PLEKHH2: variants seen among roughly 807,000 people sequenced by gnomAD.
PLEKHH2 encodes pleckstrin homology, MyTH4 and FERM domain containing H2.
A neutral mutation model predicts 187.9 loss-of-function variants in PLEKHH2; 129 were observed. That is an observed-to-expected ratio of 0.69 (90% confidence interval 0.59 to 0.79). The LOEUF (loss-of-function observed/expected upper bound fraction) is 0.79. PLEKHH2 is among the 30% of genes least tolerant of loss of function. PLEKHH2 has a pLI of 0.00. For synonymous variants in PLEKHH2, 686 were observed against 605.6 expected (o/e 1.13, Z -1.95); for missense variants, 2,076 against 1,751.2 (o/e 1.19, Z -3.31).
In PLEKHH2 at chr2:43,700,239, A is replaced by G. The variant is rs1669291815; in HGVS notation, c.1281A>G (p.Gly427=). The change falls in exon 8 of 30, where the codon GGA becomes GGG. Residue 427 remains glycine (G), a synonymous_variant. Coordinates refer to ENST00000282406, the MANE Select transcript of PLEKHH2 (RefSeq NM_172069.4). ...PKHPNSLSGK[G]TQLVPSSHLP... is the part of the protein sequence containing the mutation. ...ATCCTAACTCACTCTCTGGAAAAGG[A>G]ACACAATTAGTGCCTTCATCACACC... The G allele has an allele frequency of 3.1e-6, 5 of 1,614,186 alleles. No homozygotes were observed. The highest frequency in any genetic ancestry group is 4.2e-6 in the Non-Finnish European group (5 of 1,180,042).
chr2:43,728,710 C>A (rs1322819225), intron 17 of PLEKHH2, among the ~76,000 whole-genome samples: 1 of 151,358 alleles, frequency 6.6e-6, no homozygotes, highest in East Asian at 2.0e-4. Context: ...TACAGGCATG[C>A]ACCACCATGC....
chr2:43,672,489 C>T (rs1667539702), intron 2 of PLEKHH2, among the ~76,000 whole-genome samples: 1 of 152,184 alleles, frequency 6.6e-6, no homozygotes, highest in African/African-American at 2.4e-5. Context: ...CTTATGCCCT[C>T]ACTTCTCCAC....
Position 43,695,627 on chromosome 2 carries a change from C to T in PLEKHH2, c.502+403C>T, listed in dbSNP as rs115909716. 6.9e-3 allele frequency among the ~76,000 whole-genome samples: 1,046 copies of T among 152,282 alleles called. 20 individuals are homozygous for T. Among genetic ancestry groups the T allele is most frequent in the African/African-American group, 0.024 (993 of 41,556 alleles). On this transcript the variant is annotated intron_variant, in intron 6 of 29. Transcript: ENST00000282406. ...AGACATATGGATGATGGGTACCAAT[C>T]TCTAATGGTAAGGACATTTTGCTCC...
chr2:43,694,329 G>T, intron 4 of PLEKHH2, 102 bp from the exon 5 acceptor site: 1 of 1,299,270 alleles, frequency 7.7e-7, no homozygotes, highest in Non-Finnish European at 1.0e-6. Context: ...ATAGTAACTT[G>T]GAATCAAGTT....
At chr2:43,637,601 G>A (rs969062269) in intron 1 of PLEKHH2, among the ~76,000 whole-genome samples, 2 of 152,208 alleles carry the variant, frequency 1.3e-5, no homozygotes, top group African/African-American at 2.4e-5. Flanking sequence ...GGATGTCGCC[G>A]GGAGAGGTGG....
chr2:43,667,302 T>C (rs1442470085), intron 2 of PLEKHH2, among the ~76,000 whole-genome samples: 3 of 152,182 alleles, frequency 2.0e-5, no homozygotes, highest in East Asian at 1.9e-4. Flanking sequence ...TAACAAGCAT[T>C]ATATGAAAAA....
At chr2:43,753,799 TATG>T in intron 25 of PLEKHH2, 39 bp downstream of exon 25, 1 of 1,398,208 alleles carries the variant, frequency 7.2e-7, no homozygotes, top group Non-Finnish European at 9.6e-7. Flanking sequence ...ATTGAAATAA[TATG>T]ATACTAATTT....
Position 43,687,672 on chromosome 2 carries a change from A to G in PLEKHH2, c.187-4842A>G, listed in dbSNP as rs528038525. Reference sequence around the variant, plus strand: ...TCTGTTATTTTTTACTTTTTTAATAATAGCCATTCTGACTGGTGTGAAATG... The same window carrying G: ...TCTGTTATTTTTTACTTTTTTAATAGTAGCCATTCTGACTGGTGTGAAATG... On this transcript the variant is annotated intron_variant, in intron 3 of 29. Transcript: ENST00000282406. Among the ~76,000 whole-genome samples, 4 of 152,314 alleles carry G rather than the reference A, an allele frequency of 2.6e-5. No homozygotes were observed. The South Asian group carries it at 8.3e-4, about 32-fold the overall frequency.
At chr2:43,703,363 A>T (rs1370364184) in intron 8 of PLEKHH2, among the ~76,000 whole-genome samples, 2 of 152,236 alleles carry the variant, frequency 1.3e-5, no homozygotes, top group Non-Finnish European at 2.9e-5. Flanking sequence ...TTGGAACAAG[A>T]TAATATAAAT....
chr2:43,659,466 TATC>T (rs1666958935), intron 2 of PLEKHH2, among the ~76,000 whole-genome samples: 1 of 152,162 alleles, frequency 6.6e-6, no homozygotes, highest in Admixed American at 6.5e-5. Flanking sequence ...CACATGGTGT[TATC>T]ATTTTTATTT....
chr2:43,642,093 T>C (rs566210125), intron 1 of PLEKHH2, among the ~76,000 whole-genome samples: 1 of 152,346 alleles, frequency 6.6e-6, no homozygotes, highest in African/African-American at 2.4e-5. Flanking sequence ...ATATTAAGTC[T>C]TCTAATCCAT....
chr2:43,703,831 G>A (rs1363057014), intron 8 of PLEKHH2, 150 bp from the exon 9 acceptor site: 1 of 524,918 alleles, frequency 1.9e-6, no homozygotes, highest in Non-Finnish European at 3.3e-6. Context: ...ATTTTAGTTG[G>A]CACCGATGAT....
At position 43,673,483 on chromosome 2, in the gene PLEKHH2, G is replaced by A. The variant is rs1238062250; in HGVS notation, c.124-5380G>A. On this transcript the variant is annotated intron_variant, in intron 2 of 29. Coordinates refer to ENST00000282406, the MANE Select transcript of PLEKHH2 (RefSeq NM_172069.4). ...TAGCCCTACAACATCCTGTAAAGTA[G>A]TCAGAACGGGTTATATTATCCACAT... Among the ~76,000 whole-genome samples the A allele has an allele frequency of 2.6e-5, 4 of 152,246 alleles. No individual in the cohort carries two copies. The East Asian group carries it at 7.7e-4, about 29-fold the overall frequency.
chr2:43,699,205 C>G (rs1235607465), intron 7 of PLEKHH2, among the ~76,000 whole-genome samples: 1 of 95,924 alleles, frequency 1.0e-5, no homozygotes, highest in Non-Finnish European at 2.1e-5. Flanking sequence ...TTTAGACTCT[C>G]AGTTTTTTTT....
chr2:43,703,137 C>G (rs1669472427), intron 8 of PLEKHH2, among the ~76,000 whole-genome samples: 1 of 152,164 alleles, frequency 6.6e-6, no homozygotes, highest in African/African-American at 2.4e-5. Context: ...GCCTCTCAAG[C>G]CACTGGCTGT....
At chr2:43,702,947 C>T (rs1011094545) in intron 8 of PLEKHH2, among the ~76,000 whole-genome samples, 7 of 152,130 alleles carry the variant, frequency 4.6e-5, no homozygotes, top group African/African-American at 1.7e-4. Context: ...CACTTTCCCC[C>T]AGTCTCCTAG....
At chr2:43,705,251 C>CTTTTTTTTTTTTTTTTTTTTT (rs5830767) in intron 9 of PLEKHH2, among the ~76,000 whole-genome samples, 1 of 95,868 alleles carries the variant, frequency 1.0e-5, no homozygotes, top group African/African-American at 4.3e-5. Context: ...AAATTTTATC[C>CTTTTTTTTTTTTTTTTTTTTT]TTTTTTTTTT....
At chr2:43,737,530 C>A (rs1671352265) in intron 19 of PLEKHH2, among the ~76,000 whole-genome samples, 1 of 152,144 alleles carries the variant, frequency 6.6e-6, no homozygotes, top group Non-Finnish European at 1.5e-5. Flanking sequence ...CTCATAGTCT[C>A]CTGGCGGTAC....
intron 11 of PLEKHH2, among the ~76,000 whole-genome samples, chr2:43,708,047 A>G (rs1446721877): frequency 2.6e-5 from 4 of 152,192 alleles, no homozygotes; most frequent in Non-Finnish European, 5.9e-5. Context: ...TGACATCTGT[A>G]TGTTATAAAA....
Sources: allele counts gnomAD v4.1 joint callset (sites outside exome capture counted in the v4.1 genomes callset), GRCh38; gene constraint gnomAD v4.1.1; transcripts MANE v1.5; gene names NCBI Gene and HGNC (gene_info 2026-07-23, HGNC 2026-07-21).